The following NELL1 variants were observed in gnomAD, a reference collection of about 807,000 sequenced individuals.
NELL1 encodes the protein protein kinase C-binding protein NELL1.
NELL1 carries 76 observed loss-of-function variants against 107.4 expected under a neutral mutation model. The observed-to-expected ratio is 0.71, with a 90% CI of 0.59 to 0.86. The LOEUF (loss-of-function observed/expected upper bound fraction) is 0.86, where lower values mean the gene tolerates loss of function less well. Ranked by LOEUF, NELL1 falls within the 40% of genes least tolerant of loss-of-function variation. The pLI is 0.00. For synonymous variants in NELL1, 353 were observed against 341.2 expected, an observed-to-expected ratio of 1.03 and a Z score of -0.38; for missense variants, 1,024 against 1,005.5, an observed-to-expected ratio of 1.02 and a Z score of -0.25.
chr11:21,042,201 A>T lies in NELL1; in HGVS notation c.1301-71388A>T, dbSNP rs934280668. 2.3e-4 allele frequency among the ~76,000 whole-genome samples: 35 copies of T among 152,240 alleles called. 1 individual carries two copies. Among genetic ancestry groups the T allele is most frequent in the Non-Finnish European group, 5.9e-5 (4 of 68,048 alleles). On this transcript the variant is annotated intron_variant, in intron 12 of 19. Coordinates refer to ENST00000357134, the MANE Select transcript of NELL1 (RefSeq NM_006157.5). ...AAAATGGGCATAAAAATTGCATGGC[A>T]GTATTCAGTTATAAAGAATTCATCA...
intron 2 of NELL1, among the ~76,000 whole-genome samples, chr11:20,719,334 A>T (rs189094301): frequency 1.3e-5 from 2 of 152,304 alleles, no homozygotes; most frequent in African/African-American, 4.8e-5. Context: ...TCAGGTATTC[A>T]TGAAGGAAAA....
chr11:21,522,768 C>G (rs902992622), intron 15 of NELL1, among the ~76,000 whole-genome samples: 2 of 139,988 alleles, frequency 1.4e-5, no homozygotes, highest in Non-Finnish European at 3.2e-5. Context: ...CCAATTCATT[C>G]TTTTTATGAA....
At chr11:21,424,805 C>A (rs1852778652) in intron 15 of NELL1, among the ~76,000 whole-genome samples, 1 of 152,094 alleles carries the variant, frequency 6.6e-6, no homozygotes, top group African/African-American at 2.4e-5. Context: ...AATCAAAAAT[C>A]TCCCAACAAA....
At chr11:20,851,045 T>C (rs780770331) in intron 4 of NELL1, among the ~76,000 whole-genome samples, 5 of 152,150 alleles carry the variant, frequency 3.3e-5, no homozygotes, top group Non-Finnish European at 7.3e-5. Flanking sequence ...GCTAATGACA[T>C]GTACTGCCAA....
intron 13 of NELL1, among the ~76,000 whole-genome samples, chr11:21,125,156 G>A (rs11025935): frequency 6.6e-6 from 1 of 152,042 alleles, no homozygotes. Context: ...TTCTATGAAG[G>A]GTTTTCAGAA....
chr11:21,418,590 C>G (rs1312116358), intron 15 of NELL1, among the ~76,000 whole-genome samples: 2 of 152,046 alleles, frequency 1.3e-5, no homozygotes, highest in Non-Finnish European at 2.9e-5. Flanking sequence ...TTTGCCTTCT[C>G]TTTTTTATGG....
chr11:20,783,177 G>A (rs1362771507), intron 2 of NELL1, among the ~76,000 whole-genome samples: 1 of 152,200 alleles, frequency 6.6e-6, no homozygotes, highest in Non-Finnish European at 1.5e-5. Flanking sequence ...TCCATTGTGG[G>A]GAGAAGGAAG....
chr11:21,264,102 G>GTGTGTGTGTGTGTGTT (rs1441799317), intron 14 of NELL1, among the ~76,000 whole-genome samples: 2 of 151,598 alleles, frequency 1.3e-5, no homozygotes, highest in African/African-American at 4.8e-5. Context: ...GTGTGTTTGT[G>GTGTGTGTGTGTGTGTT]TGTCTGTCTG....
intron 12 of NELL1, among the ~76,000 whole-genome samples, chr11:21,108,238 C>T (rs932742656): frequency 7.9e-5 from 12 of 152,054 alleles, no homozygotes; most frequent in African/African-American, 2.7e-4. Context: ...GAATTCTTTG[C>T]ATCGCTTCTA....
chr11:21,296,058 T>C (rs1451251689), intron 14 of NELL1, among the ~76,000 whole-genome samples: 4 of 152,034 alleles, frequency 2.6e-5, no homozygotes, highest in African/African-American at 9.7e-5. Context: ...TGAATAAATG[T>C]TGCCACAAAA....
chr11:20,947,473 G>GCAC (rs762229070), intron 11 of NELL1, 38 bp downstream of exon 11: 12 of 1,455,740 alleles, frequency 8.2e-6, no homozygotes, highest in South Asian at 4.6e-5. Context: ...GTGGGGTGAG[G>GCAC]CTGGGGCTGG....
chr11:20,797,396 C>G (rs1201257238), intron 3 of NELL1, among the ~76,000 whole-genome samples: 6 of 151,778 alleles, frequency 4.0e-5, no homozygotes, highest in Admixed American at 2.6e-4. Context: ...AATCCAGTCT[C>G]TACTAAAAAT....
intron 13 of NELL1, among the ~76,000 whole-genome samples, chr11:21,117,596 G>A (rs1223989989): frequency 6.6e-6 from 1 of 152,010 alleles, no homozygotes; most frequent in East Asian, 1.9e-4. Context: ...AGTAAGGATA[G>A]GATGTTCTGT....
At chr11:21,098,845 G>C (rs1177437085) in intron 12 of NELL1, among the ~76,000 whole-genome samples, 1 of 151,998 alleles carries the variant, frequency 6.6e-6, no homozygotes, top group African/African-American at 2.4e-5. Flanking sequence ...GTGTATGTGT[G>C]TGTTTGTGTA....
At chr11:21,101,887 G>T (rs1854826039) in intron 12 of NELL1, among the ~76,000 whole-genome samples, 1 of 152,066 alleles carries the variant, frequency 6.6e-6, no homozygotes, top group Admixed American at 6.6e-5. Context: ...TTTTGAGATG[G>T]AGTTTTGCTC....
In NELL1 at chr11:20,948,133, C is replaced by T. The variant is rs542212155; in HGVS notation, c.1171+698C>T. Among the ~76,000 whole-genome samples the T allele has an allele frequency of 3.3e-5, 5 of 152,244 alleles. No homozygotes were observed. In the East Asian group the frequency reaches 5.8e-4, roughly 18 times the overall value. On this transcript the variant is annotated intron_variant, in intron 11 of 19. Coordinates refer to ENST00000357134, the MANE Select transcript of NELL1 (RefSeq NM_006157.5). The stretch of plus-strand genomic sequence containing the variant: ...TCATAGCTCACTGTAACCTTGAACT[C>T]CTGGGCCCAAGCAATCCTCCTGCCT...
intron 13 of NELL1, among the ~76,000 whole-genome samples, chr11:21,213,991 A>T (rs910671339): frequency 6.6e-6 from 1 of 152,184 alleles, no homozygotes; most frequent in Non-Finnish European, 1.5e-5. Context: ...CATGAAAATT[A>T]AAACTTTTGC....
intron 14 of NELL1, among the ~76,000 whole-genome samples, chr11:21,235,361 A>G (rs1395587706): frequency 6.6e-6 from 1 of 152,164 alleles, no homozygotes; most frequent in Non-Finnish European, 1.5e-5. Flanking sequence ...TTGAGACTGT[A>G]CCCCACATAG....
At position 21,211,960 on chromosome 11, in the gene NELL1, A is replaced by C. The variant is rs180955596; in HGVS notation, c.1427-17372A>C. On this transcript the variant is annotated intron_variant, in intron 13 of 19. Coordinates refer to ENST00000357134, the MANE Select transcript of NELL1 (RefSeq NM_006157.5). ...CGTGCCTCAGCTTCCTGAGTAGCTGAGATTACAAGAGTATGCCACCACACC... is the reference window on the plus strand; with the variant it reads ...CGTGCCTCAGCTTCCTGAGTAGCTGCGATTACAAGAGTATGCCACCACACC... 4.7e-3 allele frequency among the ~76,000 whole-genome samples: 717 copies of C among 151,994 alleles called. 10 individuals are homozygous for C. Among genetic ancestry groups the C allele is most frequent in the African/African-American group, 0.017 (686 of 41,472 alleles).
Sources: allele counts gnomAD v4.1 joint callset (sites outside exome capture counted in the v4.1 genomes callset), GRCh38; gene constraint gnomAD v4.1.1; transcripts MANE v1.5; gene names NCBI Gene and HGNC (gene_info 2026-07-23, HGNC 2026-07-21).